SLC6A3: variants seen among roughly 807,000 people sequenced by gnomAD.
SLC6A3 encodes solute carrier family 6 member 3, also known as sodium-dependent dopamine transporter.
A neutral mutation model predicts 70.4 loss-of-function variants in SLC6A3; 19 were observed. The observed-to-expected ratio is 0.27, with a 90% confidence interval of 0.19 to 0.40. The LOEUF (loss-of-function observed/expected upper bound fraction) is 0.40. SLC6A3 is among the 10% of genes least tolerant of loss of function. The probability of loss-of-function intolerance (pLI) is 1.00; values close to 1 mark genes in which losing one functional copy is unlikely to be tolerated. For missense variants in SLC6A3, 613 were observed against 838.5 expected (o/e 0.73, Z 3.32); for synonymous variants, 368 against 356.6 (o/e 1.03, Z -0.36).
chr5:1,420,749 G>C (rs369740757), intron 5 of SLC6A3, 46 bp from the exon 6 acceptor site: 273 of 1,609,296 alleles, frequency 1.7e-4, no homozygotes, highest in Non-Finnish European at 2.2e-4. Context: ...CAGGGCCCTT[G>C]GTGGGAGCAG....
In SLC6A3 at chr5:1,437,244, C is replaced by T. The variant is rs1490733289; in HGVS notation, c.418+4115G>A. The stretch of plus-strand genomic sequence containing the variant: ...CCAGCCTGGTGACAGAGCGAGATTC[C>T]GTCTCACAAAAAAAAAAAAAAAGAA... On this transcript the variant is annotated intron_variant, in intron 3 of 14. Coordinates refer to ENST00000270349, the MANE Select transcript of SLC6A3 (RefSeq NM_001044.5). This position sits in a 1 kb window ranked among gnomAD's most constrained non-coding sequence, Gnocchi z 4.8. 3.6e-5 allele frequency among the ~76,000 whole-genome samples: 5 copies of T among 138,410 alleles called. No individual in the cohort carries two copies. Among genetic ancestry groups the T allele is most frequent in the African/African-American group, 1.4e-4 (5 of 36,934 alleles). The allele number at this position is 138,410 out of a possible 152,430, so 90.8% of individuals were successfully genotyped here.
rs1756176683 is a variant in SLC6A3, at chr5:1,413,569, A to C, written c.1156+1122T>G. Among the ~76,000 whole-genome samples, 1 of 152,180 alleles carries C rather than the reference A, an allele frequency of 6.6e-6. No individual in the cohort carries two copies. Among genetic ancestry groups the C allele is most frequent in the African/African-American group, 2.4e-5 (1 of 41,434 alleles). On this transcript the variant is annotated intron_variant, in intron 8 of 14. Coordinates refer to ENST00000270349, the MANE Select transcript of SLC6A3 (RefSeq NM_001044.5). The surrounding 1 kb of genome is among the most constrained non-coding windows in gnomAD (Gnocchi z 7.1). ...ACGGGACAGGGGCTTTTCTGAGCAC[A>C]ATCATTCCTCACAAATGTAGTGCCC...
intron 4 of SLC6A3, among the ~76,000 whole-genome samples, chr5:1,425,473 G>A (rs1435741480): frequency 6.6e-6 from 1 of 152,196 alleles, no homozygotes. Flanking sequence ...AGCAAGAAAT[G>A]TGATCTACAA....
In SLC6A3 at chr5:1,411,348, C is replaced by T. The variant is rs1461742906; in HGVS notation, c.1164G>A (p.Gly388=). 1 of 1,550,638 alleles carries T rather than the reference C, an allele frequency of 6.4e-7. No individual in the cohort carries two copies. The highest frequency in any genetic ancestry group is 2.4e-5 in the East Asian group (1 of 40,950). Residue 388 remains glycine (G), a synonymous_variant, in exon 9 of 15, where the codon GGG becomes GGA. Coordinates refer to ENST00000270349, the MANE Select transcript of SLC6A3 (RefSeq NM_001044.5). The surrounding 1 kb of genome is among the most constrained non-coding windows in gnomAD (Gnocchi z 6.5). ...PIGDVAKDGP[G]LIFIIYPEAI... ...CTTCCGGGTAGATGATGAAGATCAG[C>T]CCTGGCCCTGAAACAGAACCCGCCC...
chr5:1,409,979 C>T, intron 9 of SLC6A3, 130 bp from the exon 10 acceptor site: 3 of 1,167,282 alleles, frequency 2.6e-6, no homozygotes, highest in East Asian at 2.4e-5. Context: ...CATGGCCGTC[C>T]AGGGTGCAGG....
intron 4 of SLC6A3, among the ~76,000 whole-genome samples, chr5:1,430,358 G>A (rs528019297): frequency 6.6e-6 from 1 of 152,216 alleles, no homozygotes; most frequent in African/African-American, 2.4e-5. Context: ...AAAACGCCGG[G>A]TGGCCCCCCA....
intron 12 of SLC6A3, among the ~76,000 whole-genome samples, chr5:1,403,979 T>A (rs1755911967): frequency 6.6e-6 from 1 of 152,252 alleles, no homozygotes; most frequent in Non-Finnish European, 1.5e-5. Context: ...CGCCTACATA[T>A]GTGTTCTGTG....
Position 1,441,450 on chromosome 5 carries a change from A to G in SLC6A3, c.327T>C (p.Ala109=), listed in dbSNP as rs568386272. Residue 109 remains alanine, a synonymous_variant, in exon 3 of 15, where the codon GCT becomes GCC. Coordinates refer to ENST00000270349, the MANE Select transcript of SLC6A3 (RefSeq NM_001044.5). ...LVPYLLFMVI[A]GMPLFYMELA... ...GCTCCATGTAGAAAAGTGGCATCCC[A>G]GCAATGACCATGAAGAGCAGGTAGG... The G allele has an allele frequency of 1.2e-6, 2 of 1,614,234 alleles. No homozygotes were observed. The highest frequency in any genetic ancestry group is 1.7e-6 in the Non-Finnish European group (2 of 1,180,048).
Position 1,411,420 on chromosome 5 carries a change from A to G in SLC6A3, c.1157-65T>C. 1 of 1,221,724 alleles carries G rather than the reference A, an allele frequency of 8.2e-7. No homozygotes were observed. Among genetic ancestry groups the G allele is most frequent in the Non-Finnish European group, 1.2e-6 (1 of 853,256 alleles). The allele number at this position is 1,221,724 out of a possible 1,614,324, so 75.7% of individuals were successfully genotyped here. A position where few individuals can be genotyped will look rare whatever the true frequency, so the allele number is the denominator to read the frequency against. ...TGTGCTCTCCCGCCCATCCTGCCCCACCCCGCCCCGAGAAGCATGGCCTGC... is the reference window on the plus strand; with the variant it reads ...TGTGCTCTCCCGCCCATCCTGCCCCGCCCCGCCCCGAGAAGCATGGCCTGC... On this transcript the variant is annotated intron_variant, in intron 8 of 14. Coordinates refer to ENST00000270349, the MANE Select transcript of SLC6A3 (RefSeq NM_001044.5). This position sits in a 1 kb window ranked among gnomAD's most constrained non-coding sequence, Gnocchi z 6.5.
chr5:1,435,468 C>T (rs2126399964), intron 3 of SLC6A3, among the ~76,000 whole-genome samples: 1 of 152,374 alleles, frequency 6.6e-6, no homozygotes, highest in African/African-American at 2.4e-5. Flanking sequence ...ACCCTGGGTC[C>T]TTCCAGAGCC....
chr5:1,409,694 G>T (rs751304221), intron 10 of SLC6A3, 27 bp downstream of exon 10: 1 of 1,612,560 alleles, frequency 6.2e-7, no homozygotes, highest in South Asian at 1.1e-5. Flanking sequence ...ATGACCAGGA[G>T]AAGGCGAAGC....
chr5:1,420,016 C>T lies in SLC6A3; in HGVS notation c.927+553G>A, dbSNP rs141267481. On this transcript the variant is annotated intron_variant, in intron 6 of 14. Coordinates refer to ENST00000270349, the MANE Select transcript of SLC6A3 (RefSeq NM_001044.5). ...ACCCACACAGGGCAGCACCTCTCAACGGCCTCCTGCCTCATACCCCAGCTG... is the reference window on the plus strand; with the variant it reads ...ACCCACACAGGGCAGCACCTCTCAATGGCCTCCTGCCTCATACCCCAGCTG... Among the ~76,000 whole-genome samples, 375 of 152,334 alleles carry T rather than the reference C, an allele frequency of 2.5e-3. 1 individual carries two copies. Among genetic ancestry groups the T allele is most frequent in the Non-Finnish European group, 4.0e-3 (269 of 68,026 alleles).
rs941146748 is a variant in SLC6A3 at position 1,413,417 on chromosome 5, G to C, written c.1156+1274C>G. Among the ~76,000 whole-genome samples, 3 of 152,156 alleles carry C rather than the reference G, an allele frequency of 2.0e-5. No homozygotes were observed. Among genetic ancestry groups the C allele is most frequent in the African/African-American group, 4.8e-5 (2 of 41,420 alleles). Reference sequence around the variant, plus strand: ...CTGAGCGTGTTCCTACCTGCGGTGCGAGGGTCCTAGTGCCCCACTCTGTGA... The same window carrying C: ...CTGAGCGTGTTCCTACCTGCGGTGCCAGGGTCCTAGTGCCCCACTCTGTGA... On this transcript the variant is annotated intron_variant, in intron 8 of 14. Transcript: ENST00000270349. The surrounding 1 kb of genome is among the most constrained non-coding windows in gnomAD (Gnocchi z 7.1).
At chr5:1,409,183 G>C in intron 10 of SLC6A3, 58 bp from the exon 11 acceptor site, 1 of 1,229,616 alleles carries the variant, frequency 8.1e-7, no homozygotes, top group Non-Finnish European at 1.2e-6. Context: ...GGTAAACCCA[G>C]CCTGGGGATT....
rs1756889826 is a variant in SLC6A3, at chr5:1,438,387, C to T, written c.418+2972G>A. Among the ~76,000 whole-genome samples, 1 of 152,226 alleles carries T rather than the reference C, an allele frequency of 6.6e-6. No homozygotes were observed. The highest frequency in any genetic ancestry group is 1.5e-5 in the Non-Finnish European group (1 of 68,034). On this transcript the variant is annotated intron_variant, in intron 3 of 14. Coordinates refer to ENST00000270349, the MANE Select transcript of SLC6A3 (RefSeq NM_001044.5). The surrounding 1 kb of genome is among the most constrained non-coding windows in gnomAD (Gnocchi z 6.5). ...TGACACAGAGGAGACGACTGCCCAG[C>T]TTACCCCGGCTGCGCATTGTGGAGA...
Position 1,437,599 on chromosome 5 carries a change from C to G in SLC6A3, c.418+3760G>C, listed in dbSNP as rs1284750672. Among the ~76,000 whole-genome samples the G allele has an allele frequency of 6.6e-6, 1 of 152,258 alleles. No individual in the cohort carries two copies. The highest frequency in any genetic ancestry group is 2.4e-5 in the African/African-American group (1 of 41,470). On this transcript the variant is annotated intron_variant, in intron 3 of 14. Coordinates refer to ENST00000270349, the MANE Select transcript of SLC6A3 (RefSeq NM_001044.5). This position sits in a 1 kb window ranked among gnomAD's most constrained non-coding sequence, Gnocchi z 4.8. ...GCTGTGGTGCCCATCCCAAGCTGCTCTGGTGAGACTACGGGAAATGCACGT... is the reference window on the plus strand; with the variant it reads ...GCTGTGGTGCCCATCCCAAGCTGCTGTGGTGAGACTACGGGAAATGCACGT...
intron 4 of SLC6A3, among the ~76,000 whole-genome samples, chr5:1,432,114 G>T (rs745426048): frequency 6.6e-6 from 1 of 152,134 alleles, no homozygotes; most frequent in African/African-American, 2.4e-5. Context: ...CTCCAGAGGC[G>T]CCACTGCAGC....
At chr5:1,431,452 T>C (rs1756700866) in intron 4 of SLC6A3, among the ~76,000 whole-genome samples, 1 of 148,632 alleles carries the variant, frequency 6.7e-6, no homozygotes, top group Admixed American at 6.6e-5. Context: ...GGGTGGACTG[T>C]ATGGGTTGGG....
chr5:1,414,640 T>C (rs757650804), intron 8 of SLC6A3, 51 bp downstream of exon 8: 1 of 1,603,934 alleles, frequency 6.2e-7, no homozygotes. Context: ...TGCTGAGAGC[T>C]CGGCGCTGGT....
Sources: allele counts gnomAD v4.1 joint callset (sites outside exome capture counted in the v4.1 genomes callset), GRCh38; gene constraint gnomAD v4.1.1; non-coding constraint Gnocchi (gnomAD v3.1); transcripts MANE v1.5; gene names NCBI Gene and HGNC (gene_info 2026-07-23, HGNC 2026-07-21).